The following GRIA4 variants were observed in gnomAD, a reference collection of about 807,000 sequenced individuals.
GRIA4 encodes glutamate ionotropic receptor AMPA type subunit 4.
A neutral mutation model predicts 104.0 loss-of-function variants in GRIA4; 34 were observed. That is an observed-to-expected ratio of 0.33 (90% CI 0.25 to 0.44). The LOEUF (loss-of-function observed/expected upper bound fraction) is 0.44. GRIA4 is among the 20% of genes least tolerant of loss of function. The pLI, the probability that GRIA4 is intolerant of heterozygous loss-of-function variation, is 1.00. For missense variants in GRIA4, 750 were observed against 1,096.5 expected, an observed-to-expected ratio of 0.68 and a Z score of 4.46; for synonymous variants, 386 against 381.9, an observed-to-expected ratio of 1.01 and a Z score of -0.13.
rs1943267668 is a variant in GRIA4 at position 105,813,765 on chromosome 11, T to C, written c.488-48259T>C. On this transcript the variant is annotated intron_variant, in intron 4 of 16. Coordinates refer to ENST00000282499, the MANE Select transcript of GRIA4 (RefSeq NM_000829.4). The stretch of plus-strand genomic sequence containing the variant: ...TCCTCAGAAAGTGCTGAGTGCCTAA[T>C]ATGTGCTTGGCTGTGTGCTCAAAGT... Among the ~76,000 whole-genome samples, 4 of 152,118 alleles carry C rather than the reference T, an allele frequency of 2.6e-5. No homozygotes were observed. In the South Asian group the frequency reaches 8.3e-4, roughly 31 times the overall value.
rs182398084 is a variant in GRIA4 at position 105,654,688 on chromosome 11, T to C, written c.247+42254T>C. Among the ~76,000 whole-genome samples the C allele has an allele frequency of 2.8e-3, 428 of 152,288 alleles. 1 individual carries two copies. Among genetic ancestry groups the C allele is most frequent in the African/African-American group, 8.5e-3 (355 of 41,554 alleles). Reference sequence around the variant, plus strand: ...GAGAATAAGTCTTTCTATGACATAATACAGGAGTAACCACCAGATAGATCA... The same window carrying C: ...GAGAATAAGTCTTTCTATGACATAACACAGGAGTAACCACCAGATAGATCA... On this transcript the variant is annotated intron_variant, in intron 3 of 16. Coordinates refer to ENST00000282499, the MANE Select transcript of GRIA4 (RefSeq NM_000829.4).
chr11:105,977,212 T>G (rs1238908028), intron 16 of GRIA4, among the ~76,000 whole-genome samples: 2 of 152,074 alleles, frequency 1.3e-5, no homozygotes, highest in Admixed American at 1.3e-4. Context: ...TCTATTTTAC[T>G]TAACATTAAA....
At chr11:105,919,747 C>A (rs1947508681) in intron 11 of GRIA4, among the ~76,000 whole-genome samples, 1 of 152,118 alleles carries the variant, frequency 6.6e-6, no homozygotes, top group Admixed American at 6.6e-5. Context: ...AGTCCAGAAA[C>A]TAAATCTGTA....
At chr11:105,835,231 G>C (rs1217813601) in intron 4 of GRIA4, among the ~76,000 whole-genome samples, 1 of 151,880 alleles carries the variant, frequency 6.6e-6, no homozygotes, top group Non-Finnish European at 1.5e-5. Context: ...CTTGTAAGTA[G>C]AGATTTTCTT....
intron 14 of GRIA4, chr11:105,966,008 A>G (rs773472673): frequency 6.2e-7 from 1 of 1,613,810 alleles, no homozygotes; most frequent in Non-Finnish European, 8.5e-7. Context: ...CAAATTGAAA[A>G]ACAAATGGTG....
chr11:105,627,608 C>A (rs1407209883), intron 3 of GRIA4, among the ~76,000 whole-genome samples: 1 of 152,132 alleles, frequency 6.6e-6, no homozygotes, highest in Non-Finnish European at 1.5e-5. Flanking sequence ...GTTTGTAAGA[C>A]CCATTTTGGT....
intron 8 of GRIA4, 94 bp from the exon 9 acceptor site, chr11:105,905,103 T>C: frequency 1.4e-6 from 1 of 708,306 alleles, no homozygotes; most frequent in Non-Finnish European, 2.5e-6. Flanking sequence ...TTTATAGTTC[T>C]ACTTTTTTAA....
At chr11:105,899,139 C>T (rs1198600021) in intron 7 of GRIA4, among the ~76,000 whole-genome samples, 2 of 152,088 alleles carry the variant, frequency 1.3e-5, no homozygotes, top group African/African-American at 4.8e-5. Flanking sequence ...AAACTCAAGC[C>T]TAGAAAAAAC....
chr11:105,928,117 T>TTAACTTTTGTAA, intron 13 of GRIA4, among the ~76,000 whole-genome samples: 1 of 152,126 alleles, frequency 6.6e-6, no homozygotes, highest in Non-Finnish European at 1.5e-5. Context: ...TTTGTATACT[T>TTAACTTTTGTAA]GAATTTCTGT....
intron 5 of GRIA4, among the ~76,000 whole-genome samples, chr11:105,878,595 C>T (rs1945924216): frequency 6.6e-6 from 1 of 152,226 alleles, no homozygotes; most frequent in Non-Finnish European, 1.5e-5. Context: ...TGCTGCCTTT[C>T]TTTCAGAGAT....
intron 4 of GRIA4, among the ~76,000 whole-genome samples, chr11:105,789,177 A>G (rs1942107068): frequency 6.6e-6 from 1 of 152,120 alleles, no homozygotes; most frequent in African/African-American, 2.4e-5. Context: ...AACTGGTAAA[A>G]ACCAAAAGGC....
intron 3 of GRIA4, among the ~76,000 whole-genome samples, chr11:105,637,968 C>T (rs530812415): frequency 1.3e-5 from 2 of 152,024 alleles, no homozygotes; most frequent in Non-Finnish European, 2.9e-5. Context: ...TTTAAATTGA[C>T]AAATAATTGT....
At position 105,862,124 on chromosome 11, in the gene GRIA4, A is replaced by G; in HGVS notation, c.588A>G (p.Gln196=). The change falls in exon 5 of 17, where the codon CAA becomes CAG. Residue 196 remains glutamine, a synonymous_variant. Transcript: ENST00000282499. The part of the protein sequence containing the change: ...VENFNDVSYR[Q]LLEELDRRQE... ...ATTTTAATGATGTCAGCTATAGGCA[A>G]CTTCTAGAAGAACTTGACAGAAGAC... 1 of 1,608,458 alleles carries G rather than the reference A, an allele frequency of 6.2e-7. No homozygotes were observed. The highest frequency in any genetic ancestry group is 8.5e-7 in the Non-Finnish European group (1 of 1,174,932).
chr11:105,929,826 A>C (rs1947822230), intron 13 of GRIA4, among the ~76,000 whole-genome samples: 1 of 152,126 alleles, frequency 6.6e-6, no homozygotes, highest in South Asian at 2.1e-4. Context: ...GGAATACTTA[A>C]TTTAGGGAAA....
intron 6 of GRIA4, among the ~76,000 whole-genome samples, chr11:105,892,521 A>G (rs1946493035): frequency 6.6e-6 from 1 of 152,002 alleles, no homozygotes; most frequent in African/African-American, 2.4e-5. Context: ...AGGAAATTAA[A>G]CATTAGGATA....
chr11:105,786,857 G>C (rs1941990210), intron 4 of GRIA4, among the ~76,000 whole-genome samples: 1 of 152,068 alleles, frequency 6.6e-6, no homozygotes, highest in South Asian at 2.1e-4. Context: ...ATGCATCTTG[G>C]ACTTTCAGAA....
intron 3 of GRIA4, among the ~76,000 whole-genome samples, chr11:105,658,249 C>T (rs1249565322): frequency 2.0e-5 from 3 of 151,598 alleles, no homozygotes; most frequent in Non-Finnish European, 2.9e-5. Context: ...ATGAAATATG[C>T]ATTTAGATGA....
At position 105,862,110 on chromosome 11, in the gene GRIA4, G is replaced by A; in HGVS notation, c.574G>A (p.Val192Ile). The A allele has an allele frequency of 6.2e-7, 1 of 1,609,538 alleles. No homozygotes were observed. Among genetic ancestry groups the A allele is most frequent in the Non-Finnish European group, 8.5e-7 (1 of 1,175,944 alleles). The change falls in exon 5 of 17, where the codon GTC (valine) becomes ATC (isoleucine). Residue 192 changes from valine (V) to isoleucine (I), a missense_variant. By Grantham distance (29) the Val-to-Ile change is conservative. Transcript: ENST00000282499. ...SAICVENFNDVSYRQLLEELD... is the reference protein window; with the variant it reads ...SAICVENFNDISYRQLLEELD... ...TATATGTGTGGAAAATTTTAATGAT[G>A]TCAGCTATAGGCAACTTCTAGAAGA...
chr11:105,764,392 T>C (rs1198678733), intron 4 of GRIA4, among the ~76,000 whole-genome samples: 2 of 152,194 alleles, frequency 1.3e-5, no homozygotes, highest in African/African-American at 2.4e-5. Context: ...ATTATGTTAA[T>C]TCCTATTTGC....
Sources: gnomAD v4.1 joint callset for allele counts (sites outside exome capture counted in the v4.1 genomes callset) on GRCh38, gnomAD v4.1.1 for gene constraint, MANE v1.5 for transcripts, NCBI Gene and HGNC (gene_info 2026-07-23, HGNC 2026-07-21) for gene names.